KAT2B: variants seen among roughly 807,000 people sequenced by gnomAD.
The protein encoded by KAT2B is lysine acetyltransferase 2B.
In KAT2B, 36 loss-of-function variants were observed where a neutral mutation model predicts 105.9. The observed-to-expected ratio is 0.34, with a 90% CI of 0.26 to 0.45. The LOEUF is 0.45. KAT2B is among the 20% of genes least tolerant of loss of function. The pLI, the probability that KAT2B is intolerant of heterozygous loss-of-function variation, is 1.00. For synonymous variants in KAT2B, 397 were observed against 377.9 expected (o/e 1.05, Z -0.59); for missense variants, 820 against 1,021.6 (o/e 0.80, Z 2.69).
At chr3:20,055,263 C>T (rs1300193198) in intron 1 of KAT2B, among the ~76,000 whole-genome samples, 1 of 152,156 alleles carries the variant, frequency 6.6e-6, no homozygotes, top group African/African-American at 2.4e-5. Flanking sequence ...TGATATATGT[C>T]AACTTTTTCC....
intron 1 of KAT2B, among the ~76,000 whole-genome samples, chr3:20,071,810 A>C (rs2686321): frequency 0.41 from 62,881 of 152,012 alleles, 13,320 homozygotes; most frequent in South Asian, 0.5. Flanking sequence ...GTCTTGGAGG[A>C]GCCTGCAAGT....
intron 11 of KAT2B, among the ~76,000 whole-genome samples, chr3:20,136,252 G>A (rs560247612): frequency 1.1e-4 from 17 of 152,248 alleles, no homozygotes; most frequent in African/African-American, 2.9e-4. Context: ...AGATTTACAC[G>A]TTTTCTGTAA....
chr3:20,058,366 A>C (rs1002049945), intron 1 of KAT2B, among the ~76,000 whole-genome samples: 2 of 150,042 alleles, frequency 1.3e-5, no homozygotes, highest in Admixed American at 6.7e-5. Flanking sequence ...GAGGCAGGAG[A>C]ATTGCTTGAA....
At chr3:20,109,675 AT>A (rs1201059725) in intron 5 of KAT2B, among the ~76,000 whole-genome samples, 1 of 152,150 alleles carries the variant, frequency 6.6e-6, no homozygotes, top group East Asian at 1.9e-4. Flanking sequence ...CTAGCAAACA[AT>A]TGGCTTTGAA....
At chr3:20,040,824 C>G in intron 1 of KAT2B, 44 bp downstream of exon 1, 1 of 1,531,576 alleles carries the variant, frequency 6.5e-7, no homozygotes, top group Non-Finnish European at 8.7e-7. Context: ...TGCTAGGGGC[C>G]CAGCCCGCGG....
chr3:20,083,620 A>AT, intron 2 of KAT2B, among the ~76,000 whole-genome samples: 1 of 152,300 alleles, frequency 6.6e-6, no homozygotes, highest in African/African-American at 2.4e-5. Context: ...GGAAAGTGGT[A>AT]TTTTAGGAAG....
At chr3:20,065,650 G>A (rs1449407746) in intron 1 of KAT2B, among the ~76,000 whole-genome samples, 1 of 152,108 alleles carries the variant, frequency 6.6e-6, no homozygotes, top group African/African-American at 2.4e-5. Context: ...TGTACACTTA[G>A]GTTGTTAGGT....
At chr3:20,104,534 C>G (rs940671080) in intron 5 of KAT2B, among the ~76,000 whole-genome samples, 1 of 152,178 alleles carries the variant, frequency 6.6e-6, no homozygotes, top group Non-Finnish European at 1.5e-5. Flanking sequence ...TACTGATCTT[C>G]TCAAAAATGG....
intron 1 of KAT2B, 96 bp from the exon 2 acceptor site, chr3:20,072,237 G>C (rs1698336999): frequency 4.8e-6 from 6 of 1,259,486 alleles, no homozygotes; most frequent in Non-Finnish European, 6.9e-6. Flanking sequence ...TGAGGGGATA[G>C]CTGTCATATA....
intron 1 of KAT2B, among the ~76,000 whole-genome samples, chr3:20,065,174 C>T (rs1214412841): frequency 1.3e-5 from 2 of 152,190 alleles, no homozygotes; most frequent in Non-Finnish European, 2.9e-5. Flanking sequence ...AGTGCAGTGG[C>T]CTTTTCTTCT....
At position 20,136,984 on chromosome 3, in the gene KAT2B, A is replaced by G; in HGVS notation, c.1792A>G (p.Ile598Val). The change falls in exon 12 of 18, where the codon ATA becomes GTA. Residue 598 changes from isoleucine to valine, a missense_variant. Physicochemically the swap from Ile to Val is conservative, Grantham distance 29. Transcript: ENST00000263754. The stretch of plus-strand genomic sequence containing the variant: ...GATGAATCATTTGAAAGAATATCAC[A>G]TAAAGCATGACATCCTGAACTTCCT... The part of the protein sequence containing the change: ...HLMNHLKEYH[I>V]KHDILNFLTY... 3 of 1,610,468 alleles carry G rather than the reference A, an allele frequency of 1.9e-6. No homozygotes were observed. The highest frequency in any genetic ancestry group is 1.1e-5 in the South Asian group (1 of 90,992).
chr3:20,128,672 C>T (rs1198515011), intron 11 of KAT2B, among the ~76,000 whole-genome samples: 3 of 152,068 alleles, frequency 2.0e-5, no homozygotes, highest in Admixed American at 6.6e-5. Context: ...GTTCTACTTT[C>T]TTGCTTTTAA....
rs201328564 is a variant in KAT2B, at chr3:20,146,476, G to T, written c.2119+46G>T. ...AAAAGCGAAATTTTTTAGTAATGCC[G>T]TGGTTTGTGTTTGAAACAATTTCCA... On this transcript the variant is annotated intron_variant, in intron 14 of 17. Coordinates refer to ENST00000263754, the MANE Select transcript of KAT2B (RefSeq NM_003884.5). 29 of 1,079,352 alleles carry T rather than the reference G, an allele frequency of 2.7e-5. No homozygotes were observed. The African/African-American group carries it at 3.2e-4, about 12-fold the overall frequency. 66.9% of individuals were successfully genotyped at this position (1,079,352 alleles called of 1,614,324 possible). A position where few individuals can be genotyped will look rare whatever the true frequency, so the allele number is the denominator to read the frequency against.
At chr3:20,142,698 T>A (rs1422266721) in intron 13 of KAT2B, among the ~76,000 whole-genome samples, 1 of 151,436 alleles carries the variant, frequency 6.6e-6, no homozygotes, top group Non-Finnish European at 1.5e-5. Flanking sequence ...CTGACAGGGC[T>A]TTGTGGGACA....
At chr3:20,058,454 A>G (rs1431793646) in intron 1 of KAT2B, among the ~76,000 whole-genome samples, 2 of 29,710 alleles carry the variant, frequency 6.7e-5, no homozygotes, top group Admixed American at 6.7e-4. Flanking sequence ...ACTCTGTCTC[A>G]AAAAAAAAAA....
intron 11 of KAT2B, among the ~76,000 whole-genome samples, chr3:20,132,276 G>A (rs377096260): frequency 1.8e-4 from 28 of 152,300 alleles, no homozygotes; most frequent in Admixed American, 1.0e-3. Context: ...CAGAGGCTGA[G>A]GCAGGAGAAT....
rs562854757 is a variant in KAT2B, at chr3:20,133,148, C to T, written c.1750-3794C>T. On this transcript the variant is annotated intron_variant, in intron 11 of 17. Transcript: ENST00000263754. ...TCCTGCTATTTTTGTCAGCTTGGTA[C>T]GCATCCTTCCAGGTACTTTGGTATT... Among the ~76,000 whole-genome samples the T allele has an allele frequency of 1.4e-4, 22 of 152,260 alleles. No homozygotes were observed. The South Asian group carries it at 3.3e-3, about 23-fold the overall frequency.
chr3:20,106,961 GTATATATATATATATATGTATATA>G (rs1473848725), intron 5 of KAT2B, among the ~76,000 whole-genome samples: 2,534 of 69,636 alleles, frequency 0.036, 107 homozygotes, highest in Non-Finnish European at 0.051. Flanking sequence ...AATTTTATGT[GTATATATATATATATATGTATATA>G]TATATATATA....
At chr3:20,056,655 C>A (rs1435571700) in intron 1 of KAT2B, among the ~76,000 whole-genome samples, 1 of 152,128 alleles carries the variant, frequency 6.6e-6, no homozygotes, top group African/African-American at 2.4e-5. Context: ...GACATAGGGT[C>A]TGCTAGGTTA....
Sources: gnomAD v4.1 joint callset for allele counts (sites outside exome capture counted in the v4.1 genomes callset) on GRCh38, gnomAD v4.1.1 for gene constraint, MANE v1.5 for transcripts, NCBI Gene and HGNC (gene_info 2026-07-23, HGNC 2026-07-21) for gene names.